Variants in EPHA6 observed in about 807,000 individuals in gnomAD.
The protein encoded by EPHA6 is EPH receptor A6, also known as ephrin type-A receptor 6.
In EPHA6, 50 loss-of-function variants were observed where a neutral mutation model predicts 112.0. That is an observed-to-expected ratio of 0.45 (90% CI 0.36 to 0.56). The LOEUF (loss-of-function observed/expected upper bound fraction) is 0.56. EPHA6 is among the 20% of genes least tolerant of loss of function. The pLI is 0.00. For synonymous variants in EPHA6, 529 were observed against 490.7 expected (o/e 1.08, Z -1.03); for missense variants, 1,280 against 1,417.4 (o/e 0.90, Z 1.56).
chr3:97,170,716 G>A (rs1182993782), intron 3 of EPHA6, among the ~76,000 whole-genome samples: 3 of 151,542 alleles, frequency 2.0e-5, no homozygotes, highest in East Asian at 1.9e-4. Flanking sequence ...CCACCTGGGC[G>A]ACAGAGCGAG....
At chr3:97,437,021 T>A (rs2089881223) in intron 6 of EPHA6, among the ~76,000 whole-genome samples, 1 of 151,956 alleles carries the variant, frequency 6.6e-6, no homozygotes, top group African/African-American at 2.4e-5. Context: ...TAAACTTTCT[T>A]AAACATTATG....
chr3:97,363,029 T>C (rs2084462131), intron 5 of EPHA6, among the ~76,000 whole-genome samples: 1 of 150,306 alleles, frequency 6.7e-6, no homozygotes, highest in African/African-American at 2.4e-5. Context: ...TCTAGAAGTG[T>C]AATTTACTTA....
intron 5 of EPHA6, among the ~76,000 whole-genome samples, chr3:97,297,452 T>C (rs1366039864): frequency 6.6e-6 from 1 of 152,204 alleles, no homozygotes; most frequent in Non-Finnish European, 1.5e-5. Flanking sequence ...AATTTTTAGG[T>C]GAATCTCTTC....
At chr3:97,508,370 T>C (rs899447376) in intron 10 of EPHA6, among the ~76,000 whole-genome samples, 1 of 152,204 alleles carries the variant, frequency 6.6e-6, no homozygotes, top group Non-Finnish European at 1.5e-5. Context: ...GTGTCTTTGT[T>C]CTAATTTGTT....
intron 2 of EPHA6, among the ~76,000 whole-genome samples, chr3:96,887,818 C>G (rs1256782034): frequency 1.3e-5 from 2 of 152,016 alleles, no homozygotes; most frequent in Non-Finnish European, 2.9e-5. Context: ...AGTTGTTTAC[C>G]TATGAGGATC....
intron 13 of EPHA6, among the ~76,000 whole-genome samples, chr3:97,634,516 G>A (rs1347423866): frequency 2.6e-5 from 4 of 152,020 alleles, no homozygotes; most frequent in Admixed American, 6.6e-5. Flanking sequence ...AGATGTGCAC[G>A]CAGGAACTTT....
chr3:97,374,703 C>T (rs2085248602), intron 5 of EPHA6, among the ~76,000 whole-genome samples: 1 of 152,038 alleles, frequency 6.6e-6, no homozygotes, highest in Non-Finnish European at 1.5e-5. Flanking sequence ...GTCTATTATT[C>T]CCATCTTTAT....
chr3:96,987,933 G>A lies in EPHA6; in HGVS notation c.1054G>A (p.Val352Ile). The change falls in exon 3 of 18, where the codon GTT becomes ATT. Residue 352 changes from valine (V) to isoleucine (I), a missense_variant. By Grantham distance (29) the Val-to-Ile change is conservative (BLOSUM62 3). Transcript: ENST00000389672. ...TTGTGGAGCTGATGGAGATTGGCTGGTTCCTCTTGGAAGGTGCATCTGCAG... is the reference window on the plus strand; with the variant it reads ...TTGTGGAGCTGATGGAGATTGGCTGATTCCTCTTGGAAGGTGCATCTGCAG... ...LYCGADGDWL[V>I]PLGRCICSTG... 1 of 1,613,712 alleles carries A rather than the reference G, an allele frequency of 6.2e-7. No homozygotes were observed. Among genetic ancestry groups the A allele is most frequent in the Admixed American group, 1.7e-5 (1 of 59,996 alleles).
At chr3:97,531,581 A>T (rs1360650356) in intron 10 of EPHA6, among the ~76,000 whole-genome samples, 1 of 152,052 alleles carries the variant, frequency 6.6e-6, no homozygotes, top group Non-Finnish European at 1.5e-5. Context: ...TATAGCACTT[A>T]CAGGAATTTA....
At chr3:97,410,156 A>G (rs572096452) in intron 6 of EPHA6, among the ~76,000 whole-genome samples, 4 of 152,162 alleles carry the variant, frequency 2.6e-5, no homozygotes, top group African/African-American at 9.6e-5. Flanking sequence ...TCAATATCAC[A>G]CTTTGCACAA....
intron 5 of EPHA6, among the ~76,000 whole-genome samples, chr3:97,337,501 A>G (rs182507758): frequency 6.6e-6 from 1 of 152,254 alleles, no homozygotes; most frequent in East Asian, 1.9e-4. Context: ...AGTGAATTCT[A>G]CTTTTACCAT....
At chr3:97,452,005 A>G (rs1191061092) in intron 7 of EPHA6, among the ~76,000 whole-genome samples, 1 of 151,920 alleles carries the variant, frequency 6.6e-6, no homozygotes, top group Admixed American at 6.6e-5. Flanking sequence ...CTTTTTAGCC[A>G]TACTATTTTA....
intron 14 of EPHA6, among the ~76,000 whole-genome samples, chr3:97,675,827 CT>C (rs1378525584): frequency 6.6e-6 from 1 of 152,022 alleles, no homozygotes; most frequent in African/African-American, 2.4e-5. Flanking sequence ...GAATGATTGC[CT>C]TTTGCAAATT....
chr3:97,644,966 C>T (rs1487693980), intron 14 of EPHA6, among the ~76,000 whole-genome samples: 5 of 151,596 alleles, frequency 3.3e-5, no homozygotes, highest in East Asian at 3.9e-4. Context: ...ATACCAAAGC[C>T]GGGCAGAGAC....
chr3:97,217,614 A>G (rs1210670374), intron 3 of EPHA6, among the ~76,000 whole-genome samples: 1 of 152,204 alleles, frequency 6.6e-6, no homozygotes, highest in Admixed American at 6.5e-5. Flanking sequence ...GGATTGACAG[A>G]TATATTCGCT....
intron 2 of EPHA6, among the ~76,000 whole-genome samples, chr3:96,952,598 T>G (rs1482482959): frequency 2.0e-5 from 3 of 152,220 alleles, no homozygotes; most frequent in Non-Finnish European, 4.4e-5. Context: ...TAAAGTTATT[T>G]TCTTATAAAT....
intron 5 of EPHA6, among the ~76,000 whole-genome samples, chr3:97,321,595 C>T (rs2082122426): frequency 6.6e-6 from 1 of 151,888 alleles, no homozygotes; most frequent in Non-Finnish European, 1.5e-5. Flanking sequence ...TTTAAAAACC[C>T]CCAATGGGTC....
Position 97,747,473 on chromosome 3 carries a change from T to A in EPHA6, c.3179T>A (p.Val1060Asp). Reference sequence around the variant, plus strand: ...CCGGAATATCCTTTGTTTGTCACAGTTGGTGACTGGCTAGATTCTATAAAG... The same window carrying A: ...CCGGAATATCCTTTGTTTGTCACAGATGGTGACTGGCTAGATTCTATAAAG... The part of the protein sequence containing the change: ...EVPEYPLFVT[V>D]GDWLDSIKMG... Residue 1060 changes from valine (V) to aspartate (D), a missense_variant, in exon 17 of 18, where the codon GTT becomes GAT. Transcript: ENST00000389672. The A allele has an allele frequency of 6.2e-7, 1 of 1,605,226 alleles. No homozygotes were observed. Among genetic ancestry groups the A allele is most frequent in the South Asian group, 1.1e-5 (1 of 89,242 alleles).
At chr3:97,250,812 T>C (rs981399841) in intron 5 of EPHA6, among the ~76,000 whole-genome samples, 2 of 152,192 alleles carry the variant, frequency 1.3e-5, no homozygotes, top group Admixed American at 1.3e-4. Context: ...ACTGATTCAT[T>C]ATGTATGTTG....
Sources: allele counts gnomAD v4.1 joint callset (sites outside exome capture counted in the v4.1 genomes callset), GRCh38; gene constraint gnomAD v4.1.1; transcripts MANE v1.5; gene names NCBI Gene and HGNC (gene_info 2026-07-23, HGNC 2026-07-21).